The following MYO1B variants were observed in gnomAD, a reference collection of about 807,000 sequenced individuals.
The protein encoded by MYO1B is unconventional myosin-Ib.
MYO1B carries 72 observed loss-of-function variants against 159.7 expected under a neutral mutation model. That is an observed-to-expected ratio of 0.45 (90% CI 0.37 to 0.55). MYO1B has a LOEUF of 0.55. Among genes scored for constraint, MYO1B ranks in the 20% least tolerant of loss-of-function variants. MYO1B has a pLI of 0.00. For synonymous variants in MYO1B, 468 were observed against 473.8 expected (o/e 0.99, Z 0.16); for missense variants, 1,062 against 1,364.8 (o/e 0.78, Z 3.50).
At chr2:191,325,602 A>T (rs888502920) in intron 3 of MYO1B, among the ~76,000 whole-genome samples, 1 of 152,172 alleles carries the variant, frequency 6.6e-6, no homozygotes, top group African/African-American at 2.4e-5. Context: ...TAAGCTTTGG[A>T]TGTATTTCGG....
In MYO1B at chr2:191,390,408, C is replaced by T; in HGVS notation, c.1898C>T (p.Ala633Val). ...ENVRVRRAGY[A>V]FRQAYEPCLE... Reference sequence around the variant, plus strand: ...GTCCGAGTGCGGAGGGCAGGCTACGCCTTCAGGCAGGCCTATGAACCTTGC... The same window carrying T: ...GTCCGAGTGCGGAGGGCAGGCTACGTCTTCAGGCAGGCCTATGAACCTTGC... The change falls in exon 18 of 31, where the codon GCC becomes GTC. Residue 633 changes from alanine to valine, a missense_variant. Physicochemically the swap from Ala to Val is moderately conservative, Grantham distance 64. This residue lies in a region of MYO1B where 609 missense variants were observed against 744.4 expected (regional missense o/e 0.82). Coordinates refer to ENST00000392318, the MANE Select transcript of MYO1B (RefSeq NM_001130158.3). The T allele has an allele frequency of 2.5e-6, 4 of 1,614,248 alleles. No homozygotes were observed. The highest frequency in any genetic ancestry group is 1.1e-5 in the South Asian group (1 of 91,084).
At chr2:191,379,834 TATA>T (rs1187918135) in intron 13 of MYO1B, among the ~76,000 whole-genome samples, 1 of 152,188 alleles carries the variant, frequency 6.6e-6, no homozygotes, top group East Asian at 1.9e-4. Context: ...TTATGCTGAG[TATA>T]ATAATAATAA....
intron 1 of MYO1B, 36 bp from the exon 2 acceptor site, chr2:191,276,851 C>A: frequency 6.4e-7 from 1 of 1,567,802 alleles, no homozygotes; most frequent in Non-Finnish European, 8.6e-7. Context: ...AATTATTTTG[C>A]TCGTTTAAAT....
chr2:191,335,839 T>C (rs1470566474), intron 4 of MYO1B, among the ~76,000 whole-genome samples: 1 of 152,194 alleles, frequency 6.6e-6, no homozygotes, highest in Non-Finnish European at 1.5e-5. Context: ...GTCTTAAACA[T>C]TGGAGACACT....
At chr2:191,299,183 C>A (rs1232600386) in intron 3 of MYO1B, among the ~76,000 whole-genome samples, 1 of 152,136 alleles carries the variant, frequency 6.6e-6, no homozygotes, top group Non-Finnish European at 1.5e-5. Context: ...CTGGAAGATT[C>A]CTGTAGGAGG....
intron 16 of MYO1B, 113 bp downstream of exon 16, chr2:191,386,197 T>A: frequency 1.1e-6 from 1 of 925,122 alleles, no homozygotes; most frequent in Non-Finnish European, 1.7e-6. Context: ...CAAATTGAGC[T>A]GCTAAAGTGG....
chr2:191,344,816 C>G (rs1319329749), intron 5 of MYO1B, among the ~76,000 whole-genome samples: 1 of 112,808 alleles, frequency 8.9e-6, no homozygotes, highest in Non-Finnish European at 1.6e-5. Context: ...GGCGACAGAG[C>G]GAGACTCCGT....
intron 11 of MYO1B, 102 bp downstream of exon 11, chr2:191,364,378 C>A: frequency 2.2e-6 from 2 of 900,872 alleles, no homozygotes; most frequent in South Asian, 1.5e-5. Flanking sequence ...TTACCTGAAT[C>A]GTACTATGTT....
intron 15 of MYO1B, 21 bp from the exon 16 acceptor site, chr2:191,385,861 CTT>C: frequency 6.2e-7 from 1 of 1,611,012 alleles, no homozygotes; most frequent in East Asian, 2.2e-5. Flanking sequence ...AGGAAGGAAA[CTT>C]TTTTATTTCC....
At chr2:191,245,692 G>T (rs1009173343) in intron 1 of MYO1B, 66 bp downstream of exon 1, 4 of 152,230 alleles carry the variant, frequency 2.6e-5, no homozygotes, top group African/African-American at 2.4e-5. Context: ...GGCCCCCGAG[G>T]CGCCTGCTCC....
At chr2:191,287,958 TTC>T (rs1450520033) in intron 2 of MYO1B, among the ~76,000 whole-genome samples, 7 of 152,186 alleles carry the variant, frequency 4.6e-5, no homozygotes, top group Non-Finnish European at 7.4e-5. Flanking sequence ...AGCTGTTCCA[TTC>T]TCTGTCTTTG....
At chr2:191,381,259 A>G in intron 13 of MYO1B, 1 of 638,566 alleles carries the variant, frequency 1.6e-6, no homozygotes, top group Non-Finnish European at 2.9e-6. Flanking sequence ...ATTTGTGTAT[A>G]CTTCATTCAT....
intron 13 of MYO1B, among the ~76,000 whole-genome samples, chr2:191,380,708 G>C (rs549973501): frequency 2.8e-4 from 43 of 152,304 alleles, no homozygotes; most frequent in African/African-American, 9.6e-4. Flanking sequence ...GAGTGATCAA[G>C]GGTATGGGCC....
intron 4 of MYO1B, among the ~76,000 whole-genome samples, chr2:191,338,810 A>G (rs1451359391): frequency 1.3e-5 from 2 of 152,162 alleles, no homozygotes; most frequent in African/African-American, 4.8e-5. Flanking sequence ...TAAACTTTAT[A>G]TATTTTTGGT....
At chr2:191,271,001 C>G (rs1687423089) in intron 1 of MYO1B, among the ~76,000 whole-genome samples, 1 of 152,182 alleles carries the variant, frequency 6.6e-6, no homozygotes, top group Non-Finnish European at 1.5e-5. Flanking sequence ...CGGAAATTTG[C>G]ATACTTGTTT....
intron 6 of MYO1B, among the ~76,000 whole-genome samples, chr2:191,346,504 C>G (rs1451943819): frequency 6.6e-6 from 1 of 152,152 alleles, no homozygotes; most frequent in Non-Finnish European, 1.5e-5. Flanking sequence ...TTCTTGACAT[C>G]TTCTATCATA....
In MYO1B at chr2:191,397,235, C is replaced by T. The variant is rs564348108; in HGVS notation, c.2295+738C>T. Among the ~76,000 whole-genome samples, 364 of 128,456 alleles carry T rather than the reference C, an allele frequency of 2.8e-3. 3 individuals are homozygous for T. Among genetic ancestry groups the T allele is most frequent in the African/African-American group, 9.9e-3 (343 of 34,508 alleles). The allele number at this position is 128,456 out of a possible 152,430, so 84.3% of individuals were successfully genotyped here. A position where few individuals can be genotyped will look rare whatever the true frequency, so the allele number is the denominator to read the frequency against. On this transcript the variant is annotated intron_variant, in intron 21 of 30. Coordinates refer to ENST00000392318, the MANE Select transcript of MYO1B (RefSeq NM_001130158.3). ...TAATTGACCATTCTTGGGTGTTTCT[C>T]GCAGAGGGGGATTTGGCAGGGTCAT... is the stretch of plus-strand genomic sequence containing the variant.
At chr2:191,376,949 A>T (rs1306038212) in intron 13 of MYO1B, among the ~76,000 whole-genome samples, 1 of 152,156 alleles carries the variant, frequency 6.6e-6, no homozygotes, top group East Asian at 1.9e-4. Flanking sequence ...ATCTTAATTT[A>T]TATTGGAGAG....
At chr2:191,361,754 G>A (rs1037510457) in intron 8 of MYO1B, among the ~76,000 whole-genome samples, 5 of 148,162 alleles carry the variant, frequency 3.4e-5, no homozygotes, top group Admixed American at 1.3e-4. Context: ...ACTTCAAAGC[G>A]AGGACCTCTT....
Sources: gnomAD v4.1 joint callset for allele counts (sites outside exome capture counted in the v4.1 genomes callset) on GRCh38, gnomAD v4.1.1 for gene constraint, gnomAD v4.1.1 regional missense constraint, MANE v1.5 for transcripts, NCBI Gene and HGNC (gene_info 2026-07-23, HGNC 2026-07-21) for gene names.